The following NRG1 variants were observed in gnomAD, a reference collection of about 807,000 sequenced individuals.
NRG1 encodes the protein pro-neuregulin-1, membrane-bound isoform.
A neutral mutation model predicts 63.8 loss-of-function variants in NRG1; 18 were observed. The ratio of observed to expected loss-of-function variants is 0.28; its 90% confidence interval spans 0.19 to 0.42. NRG1 has a LOEUF of 0.42. Among genes scored for constraint, NRG1 ranks in the 10% least tolerant of loss-of-function variants. NRG1 has a pLI of 1.00. For synonymous variants in NRG1, 302 were observed against 301.3 expected (o/e 1.00, Z -0.02); for missense variants, 762 against 814.7 (o/e 0.94, Z 0.79).
In NRG1 at chr8:31,908,510, T is replaced by C. The variant is rs114380879; in HGVS notation, c.37+269079T>C. 4.0e-3 allele frequency among the ~76,000 whole-genome samples: 605 copies of C among 152,238 alleles called. 4 individuals are homozygous for C. The highest frequency in any genetic ancestry group is 0.014 in the African/African-American group (570 of 41,548). The stretch of plus-strand genomic sequence containing the variant: ...TGTCACCAGAAGCTGACACCAACAA[T>C]ACACACTCACATTTAAAAAATGCCA... On this transcript the variant is annotated intron_variant, in intron 1 of 10. Coordinates refer to the NRG1 transcript ENST00000519301.
At chr8:32,429,234 T>C (rs191287772) in intron 1 of NRG1, among the ~76,000 whole-genome samples, 52 of 152,288 alleles carry the variant, frequency 3.4e-4, no homozygotes, top group African/African-American at 1.1e-3. Flanking sequence ...CTTTGTTTTT[T>C]AGAATGACAA....
At chr8:32,661,785 C>A (rs574102112) in intron 5 of NRG1, among the ~76,000 whole-genome samples, 122 of 152,056 alleles carry the variant, frequency 8.0e-4, no homozygotes, top group African/African-American at 2.9e-3. Context: ...GAATAATAAA[C>A]CAGAAATCAT....
intron 1 of NRG1, among the ~76,000 whole-genome samples, chr8:32,040,368 A>G (rs1199940448): frequency 1.3e-5 from 2 of 152,162 alleles, no homozygotes; most frequent in African/African-American, 2.4e-5. Flanking sequence ...GTGAAAGTCA[A>G]AGCACATTAT....
intron 1 of NRG1, among the ~76,000 whole-genome samples, chr8:32,383,323 A>G (rs1308806652): frequency 6.6e-6 from 1 of 152,190 alleles, no homozygotes; most frequent in Non-Finnish European, 1.5e-5. Flanking sequence ...CATGAAACTT[A>G]TAAATAAAAC....
At chr8:32,585,644 G>A (rs188147615) in intron 1 of NRG1, among the ~76,000 whole-genome samples, 1 of 152,260 alleles carries the variant, frequency 6.6e-6, no homozygotes, top group East Asian at 1.9e-4. Flanking sequence ...ATAGACAGCT[G>A]CATAGTTCAA....
At chr8:31,871,222 G>C (rs1382883807) in intron 1 of NRG1, among the ~76,000 whole-genome samples, 1 of 150,306 alleles carries the variant, frequency 6.7e-6, no homozygotes, top group Non-Finnish European at 1.5e-5. Context: ...TGATCCACCC[G>C]CCTTGGCCTC....
rs6990809 is a variant in NRG1, at chr8:32,470,223, C to G, written c.38-125605C>G. Among the ~76,000 whole-genome samples the G allele has an allele frequency of 3.9e-3, 581 of 148,522 alleles. 3 individuals carry two copies. The highest frequency in any genetic ancestry group is 0.014 in the African/African-American group (560 of 40,314). On this transcript the variant is annotated intron_variant, in intron 1 of 10. Transcript: ENST00000519301. ...TTACACAGAGTCTCGCTCTGTTGCC[C>G]AGGCTGGAGTGCAGTGGCGCCATCT...
chr8:32,210,513 G>T (rs73576665), intron 1 of NRG1, among the ~76,000 whole-genome samples: 6 of 152,134 alleles, frequency 3.9e-5, no homozygotes, highest in Admixed American at 3.9e-4. Flanking sequence ...CTTTTGTAAC[G>T]TGTGACCTTC....
At chr8:32,158,457 ATATATATATATATAT>A (rs984347560) in intron 1 of NRG1, among the ~76,000 whole-genome samples, 24 of 125,118 alleles carry the variant, frequency 1.9e-4, no homozygotes, top group Non-Finnish European at 3.6e-4. Context: ...TGATATATAT[ATATATATATATATAT>A]CATGTATATG....
chr8:32,071,702 G>A (rs906736668), intron 1 of NRG1, among the ~76,000 whole-genome samples: 1 of 152,160 alleles, frequency 6.6e-6, no homozygotes, highest in African/African-American at 2.4e-5. Flanking sequence ...CAGTGAGAAA[G>A]AATTCTCAAG....
intron 5 of NRG1, among the ~76,000 whole-genome samples, chr8:32,645,673 G>A (rs1853363477): frequency 6.6e-6 from 1 of 152,162 alleles, no homozygotes; most frequent in Admixed American, 6.5e-5. Flanking sequence ...TGATGGCTAT[G>A]TAGTATAGAT....
At position 32,760,190 on chromosome 8, in the gene NRG1, T is replaced by C; in HGVS notation, c.1053-10T>C. ...GAAATATCTGATTGTCTCTCCCATT[T>C]CCTCCGCAGCTGGAGCAACGGACAC... On this transcript the variant is annotated splice_polypyrimidine_tract_variant and intron_variant, in intron 10 of 11. Transcript: ENST00000356819. The C allele has an allele frequency of 6.2e-7, 1 of 1,613,722 alleles. No homozygotes were observed. The highest frequency in any genetic ancestry group is 8.5e-7 in the Non-Finnish European group (1 of 1,179,826).
At chr8:32,694,036 T>G (rs1264911933) in intron 5 of NRG1, among the ~76,000 whole-genome samples, 3 of 152,166 alleles carry the variant, frequency 2.0e-5, no homozygotes, top group African/African-American at 7.2e-5. Context: ...AGGAGAAGGT[T>G]TTTGGCTTGG....
chr8:31,706,154 T>G (rs1198318799), intron 1 of NRG1, among the ~76,000 whole-genome samples: 1 of 152,172 alleles, frequency 6.6e-6, no homozygotes, highest in Non-Finnish European at 1.5e-5. Flanking sequence ...TACATCCCCA[T>G]CTTCCCAGCT....
chr8:32,451,635 T>A (rs1034568361), intron 1 of NRG1, among the ~76,000 whole-genome samples: 1 of 152,218 alleles, frequency 6.6e-6, no homozygotes, highest in African/African-American at 2.4e-5. Flanking sequence ...TCAAATTGTT[T>A]GAGTTGCTGA....
At chr8:32,166,105 A>G (rs1454096040) in intron 1 of NRG1, among the ~76,000 whole-genome samples, 1 of 152,152 alleles carries the variant, frequency 6.6e-6, no homozygotes, top group Non-Finnish European at 1.5e-5. Context: ...ATAGACAAAT[A>G]TTGTAGCCAC....
intron 1 of NRG1, among the ~76,000 whole-genome samples, chr8:32,474,182 A>G (rs1372491361): frequency 6.6e-6 from 1 of 152,254 alleles, no homozygotes; most frequent in African/African-American, 2.4e-5. Context: ...AGGTAAAACA[A>G]TCATGTGAAA....
intron 1 of NRG1, among the ~76,000 whole-genome samples, chr8:31,977,340 T>C (rs776119885): frequency 4.6e-5 from 7 of 152,148 alleles, no homozygotes; most frequent in Non-Finnish European, 7.4e-5. Flanking sequence ...ATTCCCCTAA[T>C]GTTGGAGCCT....
chr8:31,891,297 G>T (rs1379940610), intron 1 of NRG1, among the ~76,000 whole-genome samples: 6 of 152,064 alleles, frequency 3.9e-5, no homozygotes, highest in Admixed American at 2.6e-4. Context: ...AAAAATTTTA[G>T]TAACAATCTA....
Sources: gnomAD v4.1 joint callset for allele counts (sites outside exome capture counted in the v4.1 genomes callset) on GRCh38, gnomAD v4.1.1 for gene constraint, MANE v1.5 for transcripts, NCBI Gene and HGNC (gene_info 2026-07-23, HGNC 2026-07-21) for gene names.